Variants in ZPBP observed in about 807,000 individuals in gnomAD.
The protein encoded by ZPBP is zona pellucida-binding protein 1.
In ZPBP, 26 loss-of-function variants were observed where a neutral mutation model predicts 44.8. The observed-to-expected ratio is 0.58, with a 90% confidence interval of 0.43 to 0.81. The LOEUF is 0.81. ZPBP is among the 30% of genes least tolerant of loss of function. The probability of loss-of-function intolerance (pLI) is 0.00; values close to 1 mark genes in which losing one functional copy is unlikely to be tolerated. For synonymous variants in ZPBP, 174 were observed against 153.2 expected, an observed-to-expected ratio of 1.14 and a Z score of -1.00; for missense variants, 409 against 434.0, an observed-to-expected ratio of 0.94 and a Z score of 0.51.
At chr7:50,006,412 A>G (rs956350884) in intron 6 of ZPBP, among the ~76,000 whole-genome samples, 7 of 152,076 alleles carry the variant, frequency 4.6e-5, no homozygotes, top group African/African-American at 1.7e-4. Context: ...AATAATACAA[A>G]GAATCTTTTC....
intron 2 of ZPBP, among the ~76,000 whole-genome samples, chr7:49,895,548 G>T (rs1792342661): frequency 6.6e-6 from 1 of 152,108 alleles, no homozygotes; most frequent in Non-Finnish European, 1.5e-5. Context: ...TGTCCATGAG[G>T]CAAGAAAAGC....
At chr7:49,983,692 T>C (rs1452157165) in intron 6 of ZPBP, among the ~76,000 whole-genome samples, 173 bp from the exon 7 acceptor site, 3 of 152,240 alleles carry the variant, frequency 2.0e-5, no homozygotes, top group South Asian at 2.1e-4. Flanking sequence ...ATGTCATCTA[T>C]AAACATCAAA....
Position 50,031,170 on chromosome 7 carries a change from A to C in ZPBP, c.628T>G (p.Ser210Ala), listed in dbSNP as rs751733299. The change falls in exon 5 of 8, where the codon TCC (serine) becomes GCC (alanine). Residue 210 changes from serine to alanine, a missense_variant. Transcript: ENST00000046087. ...KLLLDLSCEI[S>A]LLKSECHRVK... ...CGATGGCATTCAGACTTAAGTAAGG[A>C]AATTTCACATGAAAGGTCAAGAAGC... The C allele has an allele frequency of 6.2e-7, 1 of 1,613,818 alleles. No homozygotes were observed. The highest frequency in any genetic ancestry group is 1.1e-5 in the South Asian group (1 of 91,058).
intron 5 of ZPBP, among the ~76,000 whole-genome samples, chr7:50,023,432 A>G (rs982489113): frequency 6.6e-6 from 1 of 151,960 alleles, no homozygotes; most frequent in Non-Finnish European, 1.5e-5. Context: ...CATAGGAAAG[A>G]CAATAACAAG....
chr7:49,953,913 C>T (rs969520575), intron 7 of ZPBP, among the ~76,000 whole-genome samples: 3 of 152,070 alleles, frequency 2.0e-5, no homozygotes, highest in Admixed American at 6.6e-5. Flanking sequence ...AATACAATCC[C>T]TGTCAACATT....
intron 1 of ZPBP, among the ~76,000 whole-genome samples, chr7:50,090,695 T>G (rs1416415964): frequency 2.6e-5 from 4 of 151,988 alleles, no homozygotes; most frequent in African/African-American, 9.7e-5. Context: ...TACACCACAG[T>G]TTCTTTATCC....
chr7:50,025,137 A>G (rs1799268214), intron 5 of ZPBP, among the ~76,000 whole-genome samples: 1 of 151,878 alleles, frequency 6.6e-6, no homozygotes, highest in African/African-American at 2.4e-5. Flanking sequence ...AAAAAAATCA[A>G]AGATCTAAGT....
chr7:50,016,369 A>C (rs185295486), intron 6 of ZPBP, among the ~76,000 whole-genome samples: 2 of 152,258 alleles, frequency 1.3e-5, no homozygotes, highest in Non-Finnish European at 2.9e-5. Context: ...TTGAGCACAC[A>C]TGGACACAGA....
At chr7:49,893,131 T>C (rs1275164969) in intron 2 of ZPBP, among the ~76,000 whole-genome samples, 2 of 152,252 alleles carry the variant, frequency 1.3e-5, no homozygotes, top group East Asian at 3.8e-4. Context: ...ATGAGAATAC[T>C]TTAGCCTTTA....
chr7:50,015,955 C>G (rs898438621), intron 6 of ZPBP, among the ~76,000 whole-genome samples: 1 of 152,102 alleles, frequency 6.6e-6, no homozygotes, highest in African/African-American at 2.4e-5. Context: ...CACTTCTATA[C>G]TGCTGGTGGG....
intron 7 of ZPBP, chr7:49,942,328 C>A: frequency 4.6e-6 from 1 of 217,762 alleles, no homozygotes; most frequent in South Asian, 7.9e-5. Context: ...TTGTATTTTT[C>A]ACATTGTGTG....
At position 49,930,838 on chromosome 7, in the gene ZPBP, T is replaced by A. The variant is rs150593763; in HGVS notation, n.411+4913A>T. On this transcript the variant is annotated intron_variant and non_coding_transcript_variant, in intron 1 of 2. Transcript: ENST00000465922. The stretch of plus-strand genomic sequence containing the variant: ...TGGAAGCAATAAAAATGTCCAACAA[T>A]TAGAATGGCTTAACCATATGATTTG... Among the ~76,000 whole-genome samples, 265 of 152,308 alleles carry A rather than the reference T, an allele frequency of 1.7e-3. 3 individuals carry two copies. Among genetic ancestry groups the A allele is most frequent in the African/African-American group, 6.0e-3 (248 of 41,566 alleles).
chr7:50,028,803 C>A (rs1799455221), intron 5 of ZPBP, among the ~76,000 whole-genome samples: 1 of 151,478 alleles, frequency 6.6e-6, no homozygotes, highest in Non-Finnish European at 1.5e-5. Flanking sequence ...TATAGTTATA[C>A]ACTGAAAACT....
intron 1 of ZPBP, among the ~76,000 whole-genome samples, chr7:49,903,885 G>T (rs1406532338): frequency 6.6e-6 from 1 of 152,130 alleles, no homozygotes; most frequent in African/African-American, 2.4e-5. Context: ...AGACTGGCTG[G>T]TGGCAGATGC....
At chr7:49,895,242 AT>A (rs796776616) in intron 2 of ZPBP, among the ~76,000 whole-genome samples, 5 of 152,278 alleles carry the variant, frequency 3.3e-5, no homozygotes, top group African/African-American at 1.2e-4. Flanking sequence ...GTTCCCTCAC[AT>A]TTGTTTCCTA....
chr7:49,921,344 G>T (rs1794007635), intron 1 of ZPBP: 1 of 152,140 alleles, frequency 6.6e-6, no homozygotes. Flanking sequence ...TAGAGACATA[G>T]TCTCTAGAAA....
In ZPBP at chr7:49,875,438, GA is replaced by G. The variant is rs142568255; in HGVS notation, n.510-24925del. Among the ~76,000 whole-genome samples the G allele has an allele frequency of 3.4e-3, 438 of 127,712 alleles. 4 individuals carry two copies. Among genetic ancestry groups the G allele is most frequent in the African/African-American group, 0.011 (371 of 34,726 alleles). The allele number at this position is 127,712 out of a possible 152,430, so 83.8% of individuals were successfully genotyped here. On this transcript the variant is annotated intron_variant and non_coding_transcript_variant, in intron 2 of 2. Transcript: ENST00000465922. ...TGTTACATATATTTTTTAAAAATAG[GA>G]AAAAAAAAAGTATTTGAAGGTCAGT...
intron 6 of ZPBP, among the ~76,000 whole-genome samples, chr7:49,986,216 A>G (rs1486267403): frequency 6.6e-6 from 1 of 152,200 alleles, no homozygotes; most frequent in Admixed American, 6.5e-5. Flanking sequence ...TTCTGAGAGT[A>G]GAAGAAACTG....
intron 7 of ZPBP, among the ~76,000 whole-genome samples, chr7:49,949,875 A>T (rs1364980574): frequency 6.6e-6 from 1 of 151,994 alleles, no homozygotes; most frequent in Non-Finnish European, 1.5e-5. Context: ...CAATTTGATT[A>T]TGCCAAGAAT....
Sources: allele counts gnomAD v4.1 joint callset (sites outside exome capture counted in the v4.1 genomes callset), GRCh38; gene constraint gnomAD v4.1.1; transcripts MANE v1.5; gene names NCBI Gene and HGNC (gene_info 2026-07-23, HGNC 2026-07-21).